EHBP1: variants seen among roughly 807,000 people sequenced by gnomAD.
The protein encoded by EHBP1 is EH domain binding protein 1, also known as EH domain-binding protein 1.
In EHBP1, 55 loss-of-function variants were observed where a neutral mutation model predicts 144.0. The observed-to-expected ratio is 0.38, with a 90% CI of 0.31 to 0.48. The LOEUF is 0.48. EHBP1 is among the 20% of genes least tolerant of loss of function. The probability of loss-of-function intolerance (pLI) is 0.98; values close to 1 mark genes in which losing one functional copy is unlikely to be tolerated. For synonymous variants in EHBP1, 469 were observed against 472.7 expected (o/e 0.99, Z 0.10); for missense variants, 1,200 against 1,364.2 (o/e 0.88, Z 1.90).
intron 5 of EHBP1, among the ~76,000 whole-genome samples, chr2:62,819,810 A>G (rs2045761910): frequency 1.3e-5 from 2 of 152,106 alleles, no homozygotes; most frequent in South Asian, 2.1e-4. Flanking sequence ...ATGTCCATCA[A>G]CAATAAAATG....
chr2:62,866,288 G>GT (rs1363207769), intron 9 of EHBP1, among the ~76,000 whole-genome samples: 1 of 152,156 alleles, frequency 6.6e-6, no homozygotes, highest in East Asian at 1.9e-4. Flanking sequence ...GCTCAAAACA[G>GT]TTTTAATCAA....
At position 62,706,931 on chromosome 2, in the gene EHBP1, G is replaced by T; in HGVS notation, c.-261G>T. On this transcript the variant is annotated 5_prime_UTR_variant, in exon 2 of 23. Transcript: ENST00000431489. ...ATACCCATCATATAGCCCCTGAGGT[G>T]GCATGGTGATGTCTCCATGAGGGAA... 7.6e-6 allele frequency: 3 copies of T among 392,900 alleles called. No individual in the cohort carries two copies. The highest frequency in any genetic ancestry group is 9.4e-6 in the Non-Finnish European group (2 of 212,890). The allele number at this position is 392,900 out of a possible 1,614,324, so 24.3% of individuals were successfully genotyped here.
chr2:62,975,733 GA>G (rs1052342701), intron 14 of EHBP1, among the ~76,000 whole-genome samples: 5 of 151,286 alleles, frequency 3.3e-5, no homozygotes, highest in East Asian at 1.9e-4. Flanking sequence ...AAATTAAAAA[GA>G]AAAAAAAATT....
chr2:62,947,542 T>A (rs529155760), intron 12 of EHBP1, among the ~76,000 whole-genome samples: 1 of 152,286 alleles, frequency 6.6e-6, no homozygotes, highest in East Asian at 1.9e-4. Context: ...AGCAACACAA[T>A]GCTGTTTTCA....
At chr2:63,038,954 A>C (rs2061552250) in intron 21 of EHBP1, 138 bp downstream of exon 21, 3 of 671,600 alleles carry the variant, frequency 4.5e-6, no homozygotes, top group African/African-American at 1.8e-5. Context: ...CCGTGGAGGC[A>C]GAAAGCAGTA....
At position 62,859,192 on chromosome 2, in the gene EHBP1, T is replaced by A. The variant is rs773117518; in HGVS notation, c.658T>A (p.Leu220Met). ...ITELINKLNF[L>M]DEAEKDLATV... is the part of the protein sequence containing the mutation. ...AGAGCTTATCAACAAACTTAACTTT[T>A]TGGATGAAGCAGAAAAGGACTTGGC... Residue 220 changes from leucine to methionine, a missense_variant, in exon 8 of 23, where the codon TTG becomes ATG. Physicochemically the swap from Leu to Met is conservative, Grantham distance 15 (BLOSUM62 2). Transcript: ENST00000431489. The A allele has an allele frequency of 1.9e-6, 3 of 1,611,918 alleles. No individual in the cohort carries two copies. Among genetic ancestry groups the A allele is most frequent in the African/African-American group, 2.7e-5 (2 of 74,876 alleles).
chr2:62,702,975 A>T (rs1227900291), upstream of EHBP1, among the ~76,000 whole-genome samples: 3 of 152,186 alleles, frequency 2.0e-5, no homozygotes, highest in Non-Finnish European at 4.4e-5. Context: ...TACACACCGA[A>T]CATGTTCCTG....
chr2:62,786,466 G>A (rs931590723), intron 5 of EHBP1, among the ~76,000 whole-genome samples: 5 of 152,202 alleles, frequency 3.3e-5, no homozygotes, highest in African/African-American at 1.2e-4. Context: ...GGTTCAAAGG[G>A]GAGGGGAATT....
At chr2:62,952,091 A>T (rs1002670423) in intron 13 of EHBP1, among the ~76,000 whole-genome samples, 1 of 152,208 alleles carries the variant, frequency 6.6e-6, no homozygotes, top group Non-Finnish European at 1.5e-5. Flanking sequence ...TCAGATGATT[A>T]AAGTGTACTG....
intron 5 of EHBP1, among the ~76,000 whole-genome samples, chr2:62,809,047 C>G (rs1204545266): frequency 2.6e-5 from 4 of 152,210 alleles, no homozygotes; most frequent in African/African-American, 9.6e-5. Flanking sequence ...AATCCCAGCA[C>G]TTTGGGAGGC....
Position 63,046,012 on chromosome 2 carries a change from A to C in EHBP1, c.*512A>C, listed in dbSNP as rs555448659. On this transcript the variant is annotated 3_prime_UTR_variant, in exon 23 of 23. Coordinates refer to ENST00000431489, the MANE Select transcript of EHBP1 (RefSeq NM_001142616.3). ...TTTATAGTTAGATCATATCCAATCTACTTATTAAACTGTGTTCTATTTACC... is the reference window on the plus strand; with the variant it reads ...TTTATAGTTAGATCATATCCAATCTCCTTATTAAACTGTGTTCTATTTACC... 6.5e-6 allele frequency: 1 copy of C among 154,438 alleles called. No individual in the cohort carries two copies. The highest frequency in any genetic ancestry group is 1.9e-4 in the East Asian group (1 of 5,226). 9.6% of individuals were successfully genotyped at this position (154,438 alleles called of 1,614,324 possible). A position where few individuals can be genotyped will look rare whatever the true frequency, so the allele number is the denominator to read the frequency against.
At chr2:62,737,905 AG>A (rs1166999475) in intron 2 of EHBP1, among the ~76,000 whole-genome samples, 2 of 152,140 alleles carry the variant, frequency 1.3e-5, no homozygotes, top group African/African-American at 4.8e-5. Context: ...CTAGGACTAC[AG>A]GGTCATGCCA....
intron 8 of EHBP1, among the ~76,000 whole-genome samples, chr2:62,863,367 G>A (rs1311625232): frequency 6.6e-6 from 1 of 152,078 alleles, no homozygotes; most frequent in African/African-American, 2.4e-5. Context: ...GCCGAGGCAG[G>A]TGGATCATTG....
intron 14 of EHBP1, among the ~76,000 whole-genome samples, chr2:62,966,022 A>G (rs1490108633): frequency 6.6e-6 from 1 of 152,230 alleles, no homozygotes; most frequent in East Asian, 1.9e-4. Flanking sequence ...ACAAGTTAAA[A>G]GTTTTAAATC....
chr2:63,038,746 A>G lies in EHBP1; in HGVS notation c.3207A>G (p.Glu1069=). ...TGAACTTTTGCAACTTGCCCAGGGA[A>G]AAAGAACATGATTTAGAACGACGGT... ...IRRMNQLSLL[E]KEHDLERRYE... is the part of the protein sequence containing the mutation. The change falls in exon 21 of 23, where the codon GAA becomes GAG. Residue 1069 remains glutamate (E), a synonymous_variant. Coordinates refer to ENST00000431489, the MANE Select transcript of EHBP1 (RefSeq NM_001142616.3). 6.2e-7 allele frequency: 1 copy of G among 1,613,354 alleles called. No homozygotes were observed. Among genetic ancestry groups the G allele is most frequent in the Non-Finnish European group, 8.5e-7 (1 of 1,179,432 alleles).
chr2:62,890,643 G>T (rs2052379859), intron 10 of EHBP1, among the ~76,000 whole-genome samples: 1 of 152,162 alleles, frequency 6.6e-6, no homozygotes, highest in Admixed American at 6.5e-5. Flanking sequence ...TTTGGGCCAA[G>T]ACTGCGGTGT....
intron 7 of EHBP1, among the ~76,000 whole-genome samples, chr2:62,856,114 G>A (rs968876363): frequency 6.6e-6 from 1 of 152,178 alleles, no homozygotes; most frequent in Non-Finnish European, 1.5e-5. Flanking sequence ...CCACTTGCCT[G>A]TGTACCTCAT....
At chr2:62,906,719 G>A (rs971296760) in intron 10 of EHBP1, among the ~76,000 whole-genome samples, 23 of 152,036 alleles carry the variant, frequency 1.5e-4, no homozygotes, top group Non-Finnish European at 1.9e-4. Context: ...TATTGACATC[G>A]TTACAGTCCA....
At chr2:62,686,530 C>T (rs374072786) in intron 1 of EHBP1, among the ~76,000 whole-genome samples, 1 of 152,162 alleles carries the variant, frequency 6.6e-6, no homozygotes, top group African/African-American at 2.4e-5. Flanking sequence ...ATGGAGCTAA[C>T]GGCAAGTTCC....
Sources: allele counts gnomAD v4.1 joint callset (sites outside exome capture counted in the v4.1 genomes callset), GRCh38; gene constraint gnomAD v4.1.1; transcripts MANE v1.5; gene names NCBI Gene and HGNC (gene_info 2026-07-23, HGNC 2026-07-21).